DENND2B: variants seen among roughly 807,000 people sequenced by gnomAD.
DENND2B encodes DENN domain containing 2B.
Under a neutral mutation model 116.0 loss-of-function variants are expected in DENND2B, and 32 were observed. The observed-to-expected ratio is 0.28, with a 90% CI of 0.21 to 0.37. DENND2B has a LOEUF of 0.37. DENND2B is among the 10% of genes least tolerant of loss of function. The probability of loss-of-function intolerance (pLI) is 1.00; values close to 1 mark genes in which losing one functional copy is unlikely to be tolerated. For synonymous variants in DENND2B, 588 were observed against 583.9 expected, an observed-to-expected ratio of 1.01 and a Z score of -0.10; for missense variants, 1,276 against 1,477.7, an observed-to-expected ratio of 0.86 and a Z score of 2.24.
Position 8,694,127 on chromosome 11 carries a change from T to C in DENND2B, c.3383A>G (p.Asn1128Ser), listed in dbSNP as rs1436543112. 6.2e-7 allele frequency: 1 copy of C among 1,614,168 alleles called. No homozygotes were observed. Among genetic ancestry groups the C allele is most frequent in the Non-Finnish European group, 8.5e-7 (1 of 1,180,024 alleles). ...CTTCTTGTGGAGAAACTTCATTTTG[T>C]TGCCTGTGGGCCAGAGAGGACAAGA... The part of the protein sequence containing the change: ...GMNKFLRGLG[N>S]KMKFLHKKN The change falls in exon 20 of 20, where the codon AAC becomes AGC. Residue 1128 changes from asparagine to serine, a missense_variant. Asn to Ser is a conservative substitution (Grantham distance 46, BLOSUM62 1). This residue lies in a region of DENND2B where 420 missense variants were observed against 631.1 expected (regional missense o/e 0.67). Coordinates refer to ENST00000313726, the MANE Select transcript of DENND2B (RefSeq NM_213618.2).
At chr11:8,767,264 A>G (rs986464307) in intron 1 of DENND2B, among the ~76,000 whole-genome samples, 4 of 152,148 alleles carry the variant, frequency 2.6e-5, no homozygotes, top group Non-Finnish European at 5.9e-5. Flanking sequence ...GACGGAAGGA[A>G]CTGAGAATGT....
intron 1 of DENND2B, among the ~76,000 whole-genome samples, chr11:8,753,971 G>A (rs553347515): frequency 1.2e-4 from 18 of 149,924 alleles, no homozygotes; most frequent in Non-Finnish European, 2.5e-4. Context: ...GAAAACAGAA[G>A]TAAATCTTTA....
chr11:8,823,759 C>CT (rs888044720), intron 4 of DENND2B, among the ~76,000 whole-genome samples: 50 of 152,202 alleles, frequency 3.3e-4, no homozygotes, highest in Admixed American at 1.3e-4. Context: ...ATTACCCAGT[C>CT]TTGGGCAGTT....
At chr11:8,743,581 A>C (rs2050656447) in intron 2 of DENND2B, among the ~76,000 whole-genome samples, 1 of 151,966 alleles carries the variant, frequency 6.6e-6, no homozygotes, top group Non-Finnish European at 1.5e-5. Flanking sequence ...AAATTACTTA[A>C]AGTGTTGCCT....
intron 1 of DENND2B, among the ~76,000 whole-genome samples, chr11:8,751,760 C>T (rs1424988920): frequency 1.3e-5 from 2 of 152,174 alleles, no homozygotes; most frequent in Admixed American, 1.3e-4. Flanking sequence ...CCAAGAAACT[C>T]CATCTCCATC....
chr11:8,699,978 C>G (rs1485428294), intron 14 of DENND2B: 1 of 456,188 alleles, frequency 2.2e-6, no homozygotes, highest in Non-Finnish European at 4.4e-6. Flanking sequence ...GGGATCGTCC[C>G]TCCCAGAATG....
intron 3 of DENND2B, among the ~76,000 whole-genome samples, chr11:8,851,320 AAAAAT>A (rs1164854126): frequency 4.6e-5 from 7 of 152,190 alleles, no homozygotes; most frequent in Admixed American, 1.3e-4. Context: ...TTGTCAATTT[AAAAAT>A]AAAATAACAA....
At chr11:8,807,698 C>T (rs1202113972) in intron 1 of DENND2B, 1 of 152,296 alleles carries the variant, frequency 6.6e-6, no homozygotes, top group Non-Finnish European at 1.5e-5. Context: ...ATTTGTGACT[C>T]AGCTCTGGGA....
chr11:8,890,886 G>C (rs957113429), intron 1 of DENND2B, among the ~76,000 whole-genome samples: 1 of 152,104 alleles, frequency 6.6e-6, no homozygotes, highest in African/African-American at 2.4e-5. Flanking sequence ...AGGAAATACA[G>C]AGAACACCAC....
intron 1 of DENND2B, among the ~76,000 whole-genome samples, chr11:8,752,451 C>A (rs1243383416): frequency 1.1e-4 from 15 of 142,118 alleles, no homozygotes; most frequent in Non-Finnish European, 1.8e-4. Flanking sequence ...GATTCTGTCT[C>A]AAAAAAAAAA....
intron 2 of DENND2B, among the ~76,000 whole-genome samples, chr11:8,738,408 C>G (rs534905621): frequency 6.6e-6 from 1 of 152,192 alleles, no homozygotes; most frequent in Non-Finnish European, 1.5e-5. Context: ...AACGTCCCAG[C>G]GCTTGGACTT....
At chr11:8,766,802 A>C (rs949765739) in intron 1 of DENND2B, 47 of 574,664 alleles carry the variant, frequency 8.2e-5, no homozygotes, top group Non-Finnish European at 1.4e-4. Flanking sequence ...GCTGGGTTGG[A>C]GAATGTGACA....
At chr11:8,706,812 T>C (rs1565654748) in intron 13 of DENND2B, among the ~76,000 whole-genome samples, 1 of 152,166 alleles carries the variant, frequency 6.6e-6, no homozygotes, top group Non-Finnish European at 1.5e-5. Context: ...ATGGCACACA[T>C]TCAGTAACTG....
intron 1 of DENND2B, among the ~76,000 whole-genome samples, chr11:8,890,689 G>GA (rs1408133916): frequency 6.6e-6 from 1 of 152,018 alleles, no homozygotes; most frequent in Non-Finnish European, 1.5e-5. Flanking sequence ...GAAGTTTAGA[G>GA]AAAAAAGAGT....
chr11:8,702,981 C>G lies in DENND2B; in HGVS notation c.2572-261G>C, dbSNP rs1359101152. 8.3e-6 allele frequency: 4 copies of G among 481,474 alleles called. No individual in the cohort carries two copies. Among genetic ancestry groups the G allele is most frequent in the Non-Finnish European group, 1.5e-5 (4 of 267,234 alleles). The allele number at this position is 481,474 out of a possible 1,614,324, so 29.8% of individuals were successfully genotyped here. On this transcript the variant is annotated intron_variant, in intron 13 of 19. Coordinates refer to ENST00000313726, the MANE Select transcript of DENND2B (RefSeq NM_213618.2). This position sits in a 1 kb window ranked among gnomAD's most constrained non-coding sequence, Gnocchi z 4.6. The stretch of plus-strand genomic sequence containing the variant: ...CTCCAGAAGGAAGGAGTTGAGGGGC[C>G]ATCCATCGGGACCTCAGGAAGAGAG...
chr11:8,828,683 CAGA>C (rs1274333742), intron 4 of DENND2B, among the ~76,000 whole-genome samples: 16 of 152,246 alleles, frequency 1.1e-4, no homozygotes, highest in East Asian at 1.9e-4. Flanking sequence ...AGCAAAGCTC[CAGA>C]AGGACTCCAG....
chr11:8,777,697 C>A (rs2134232116), intron 1 of DENND2B, among the ~76,000 whole-genome samples: 1 of 152,250 alleles, frequency 6.6e-6, no homozygotes. Context: ...TATTCTTTTT[C>A]CCAGAACCAG....
At chr11:8,759,410 A>C (rs2054175418) in intron 1 of DENND2B, among the ~76,000 whole-genome samples, 1 of 152,174 alleles carries the variant, frequency 6.6e-6, no homozygotes, top group Non-Finnish European at 1.5e-5. Flanking sequence ...CACTGAGAGG[A>C]AACGTAAACA....
intron 1 of DENND2B, among the ~76,000 whole-genome samples, chr11:8,760,439 G>A (rs886784422): frequency 2.6e-5 from 4 of 152,286 alleles, no homozygotes; most frequent in Non-Finnish European, 4.4e-5. Context: ...GCAACAGAGC[G>A]AGACCCTGTC....
Sources: allele counts gnomAD v4.1 joint callset (sites outside exome capture counted in the v4.1 genomes callset), GRCh38; gene constraint gnomAD v4.1.1; regional missense constraint gnomAD v4.1.1; non-coding constraint Gnocchi (gnomAD v3.1); transcripts MANE v1.5; gene names NCBI Gene and HGNC (gene_info 2026-07-23, HGNC 2026-07-21).